Variants in NPSR1 observed in about 807,000 individuals in gnomAD.
NPSR1 encodes the protein neuropeptide S receptor.
In NPSR1, 48 loss-of-function variants were observed where a neutral mutation model predicts 46.9. The ratio of observed to expected loss-of-function variants is 1.02; its 90% CI spans 0.81 to 1.30. NPSR1 has a LOEUF of 1.30. NPSR1 is among the 50% of genes most tolerant of loss of function. NPSR1 has a pLI of 0.00. For synonymous variants in NPSR1, 176 were observed against 168.1 expected (o/e 1.05, Z -0.36); for missense variants, 450 against 449.5 (o/e 1.00, Z -0.01).
chr7:34,859,113 C>G (rs1310286577), intron 8 of NPSR1, among the ~76,000 whole-genome samples: 3 of 151,630 alleles, frequency 2.0e-5, no homozygotes, highest in Non-Finnish European at 4.4e-5. Context: ...TGGTTACATA[C>G]AGAAAACAGC....
intron 3 of NPSR1, among the ~76,000 whole-genome samples, chr7:34,791,543 ATGAAAGAAATTAAACTAGGCAAAAATTGG>A: frequency 6.6e-6 from 1 of 151,758 alleles, no homozygotes; most frequent in African/African-American, 2.4e-5. Context: ...TAATATATTG[ATGAAAGAAATTAAACTAGGCAAAAATTGG>A]AAAGGCATCC....
chr7:34,732,574 GT>G (rs1166564536), intron 2 of NPSR1, among the ~76,000 whole-genome samples: 4 of 152,154 alleles, frequency 2.6e-5, no homozygotes, highest in Admixed American at 6.5e-5. Context: ...AAAACTCATT[GT>G]CCTCACTCAT....
At chr7:34,754,025 A>C (rs1785684788) in intron 2 of NPSR1, among the ~76,000 whole-genome samples, 1 of 152,124 alleles carries the variant, frequency 6.6e-6, no homozygotes, top group African/African-American at 2.4e-5. Context: ...GGACATTTTG[A>C]AGCCCTTAAA....
intron 8 of NPSR1, among the ~76,000 whole-genome samples, chr7:34,857,401 G>A (rs368085875): frequency 5.3e-5 from 8 of 151,710 alleles, no homozygotes; most frequent in Non-Finnish European, 5.9e-5. Context: ...TGGTATGGGC[G>A]CTAAAGTAGA....
intron 2 of NPSR1, among the ~76,000 whole-genome samples, chr7:34,697,661 C>A (rs1325373091): frequency 1.3e-5 from 2 of 151,634 alleles, no homozygotes; most frequent in African/African-American, 4.8e-5. Context: ...AAATTTGTAT[C>A]ATTTTATTAT....
intron 2 of NPSR1, among the ~76,000 whole-genome samples, chr7:34,700,712 T>C (rs1307863371): frequency 1.3e-5 from 2 of 152,230 alleles, no homozygotes; most frequent in Non-Finnish European, 2.9e-5. Flanking sequence ...AGACATGAGT[T>C]TGAATCTCAG....
At chr7:34,715,358 G>T (rs1430721431) in intron 2 of NPSR1, among the ~76,000 whole-genome samples, 4 of 152,162 alleles carry the variant, frequency 2.6e-5, no homozygotes, top group Non-Finnish European at 5.9e-5. Context: ...AGGCCCAAGT[G>T]GTTTATAAGG....
In NPSR1 at chr7:34,692,314, C is replaced by G. The variant is rs545173648; in HGVS notation, c.280+7630C>G. On this transcript the variant is annotated intron_variant, in intron 2 of 8. Coordinates refer to ENST00000360581, the MANE Select transcript of NPSR1 (RefSeq NM_207172.2). ...CTTTATTCTTAGCCATAAAGCAATT[C>G]TCAATAAATTAAAAAAAACTGAAAT... Among the ~76,000 whole-genome samples the G allele has an allele frequency of 9.0e-4, 137 of 152,162 alleles. 1 individual carries two copies. In the South Asian group the frequency reaches 0.028, roughly 31 times the overall value.
downstream of NPSR1, among the ~76,000 whole-genome samples, chr7:34,852,625 T>C (rs1021350470): frequency 7.2e-5 from 11 of 152,240 alleles, no homozygotes; most frequent in African/African-American, 2.6e-4. Context: ...TATCTATCAC[T>C]ATGAATGCAG....
At chr7:34,663,013 C>T (rs895048964) in intron 1 of NPSR1, among the ~76,000 whole-genome samples, 3 of 145,272 alleles carry the variant, frequency 2.1e-5, no homozygotes, top group Non-Finnish European at 3.0e-5. Flanking sequence ...AGGCATCTAA[C>T]TCCAGGGGCA....
chr7:34,736,062 A>G lies in NPSR1; in HGVS notation c.281-42400A>G, dbSNP rs556096542. ...AGTTGTTTTGATGGTGATAAAACATATAAGATTGTCATCTCCCAACTTTCT... is the reference window on the plus strand; with the variant it reads ...AGTTGTTTTGATGGTGATAAAACATGTAAGATTGTCATCTCCCAACTTTCT... On this transcript the variant is annotated intron_variant, in intron 2 of 8. Coordinates refer to ENST00000360581, the MANE Select transcript of NPSR1 (RefSeq NM_207172.2). Among the ~76,000 whole-genome samples, 73 of 152,346 alleles carry G rather than the reference A, an allele frequency of 4.8e-4. 1 individual carries two copies. Among genetic ancestry groups the G allele is most frequent in the Admixed American group, 1.1e-3 (17 of 15,302 alleles).
intron 4 of NPSR1, among the ~76,000 whole-genome samples, chr7:34,824,377 A>T (rs1789725236): frequency 6.6e-6 from 1 of 152,188 alleles, no homozygotes; most frequent in African/African-American, 2.4e-5. Context: ...GAAACATGAG[A>T]CAGTCTACCT....
intron 5 of NPSR1, among the ~76,000 whole-genome samples, chr7:34,833,518 G>T (rs1346558444): frequency 2.0e-5 from 3 of 152,192 alleles, no homozygotes; most frequent in Non-Finnish European, 4.4e-5. Flanking sequence ...TACTCAAAAA[G>T]TTCGAGAGGT....
chr7:34,834,362 C>G, intron 5 of NPSR1, 22 bp from the exon 6 acceptor site: 3 of 1,599,096 alleles, frequency 1.9e-6, no homozygotes, highest in Non-Finnish European at 2.6e-6. Context: ...CACTTTAATA[C>G]TACCTTTGGT....
chr7:34,724,170 A>G (rs1209072008), intron 2 of NPSR1, among the ~76,000 whole-genome samples: 1 of 152,242 alleles, frequency 6.6e-6, no homozygotes, highest in Non-Finnish European at 1.5e-5. Context: ...TCTTTTTATT[A>G]TCTCCTATAA....
At chr7:34,797,076 G>T (rs1437770736) in intron 3 of NPSR1, among the ~76,000 whole-genome samples, 2 of 152,126 alleles carry the variant, frequency 1.3e-5, no homozygotes, top group Non-Finnish European at 2.9e-5. Context: ...ATATTAGTAA[G>T]CAAAAGTGAC....
intron 2 of NPSR1, among the ~76,000 whole-genome samples, chr7:34,689,620 A>AAAAAAAAAAAAG (rs1793134586): frequency 4.0e-5 from 5 of 126,274 alleles, no homozygotes; most frequent in African/African-American, 1.0e-4. Context: ...AAAAAAAAAA[A>AAAAAAAAAAAAG]AAAAAAAAAA....
intron 2 of NPSR1, among the ~76,000 whole-genome samples, chr7:34,710,349 G>T (rs764489863): frequency 6.6e-6 from 1 of 152,228 alleles, no homozygotes; most frequent in African/African-American, 2.4e-5. Context: ...GAGGAAAGGA[G>T]CAGAGGAATT....
chr7:34,836,778 A>T (rs1037033113), intron 6 of NPSR1, among the ~76,000 whole-genome samples: 4 of 152,012 alleles, frequency 2.6e-5, no homozygotes, highest in African/African-American at 9.7e-5. Flanking sequence ...GAGAAAGAAA[A>T]AAATATAGGA....
Sources: allele counts gnomAD v4.1 joint callset (sites outside exome capture counted in the v4.1 genomes callset), GRCh38; gene constraint gnomAD v4.1.1; transcripts MANE v1.5; gene names NCBI Gene and HGNC (gene_info 2026-07-23, HGNC 2026-07-21).